PYGO1: variants seen among roughly 807,000 people sequenced by gnomAD.
PYGO1 encodes the protein pygopus family PHD finger 1.
PYGO1 carries 6 observed loss-of-function variants against 29.5 expected under a neutral mutation model. The observed-to-expected ratio is 0.20, with a 90% CI of 0.11 to 0.40. PYGO1 has a LOEUF of 0.40. PYGO1 is among the 10% of genes least tolerant of loss of function. The pLI, the probability that PYGO1 is intolerant of heterozygous loss-of-function variation, is 1.00. For synonymous variants in PYGO1, 186 were observed against 180.5 expected, an observed-to-expected ratio of 1.03 and a Z score of -0.24; for missense variants, 515 against 514.9, an observed-to-expected ratio of 1.00 and a Z score of 0.00.
rs979734925 is a variant in PYGO1 at position 55,539,873 on chromosome 15, T to C, written c.*6150A>G. 2.0e-5 allele frequency: 3 copies of C among 152,172 alleles called. No homozygotes were observed. The highest frequency in any genetic ancestry group is 2.9e-5 in the Non-Finnish European group (2 of 67,908). 9.4% of individuals were successfully genotyped at this position (152,172 alleles called of 1,614,324 possible). On this transcript the variant is annotated 3_prime_UTR_variant, in exon 3 of 3. Coordinates refer to ENST00000563719, the MANE Select transcript of PYGO1 (RefSeq NM_001367806.1). Reference sequence around the variant, plus strand: ...CATTTTGTAATATACATCACTGACATAGTAAAACCTTATTAAGGATAATTT... The same window carrying C: ...CATTTTGTAATATACATCACTGACACAGTAAAACCTTATTAAGGATAATTT...
In PYGO1 at chr15:55,546,930, T is replaced by A. The variant is rs2058854493; in HGVS notation, c.353A>T (p.Tyr118Phe). Residue 118 changes from tyrosine to phenylalanine, a missense_variant, in exon 3 of 3, where the codon TAC becomes TTC. Coordinates refer to ENST00000563719, the MANE Select transcript of PYGO1 (RefSeq NM_001367806.1). Reference protein sequence around the residue: ...PHVPPRMSSPYCGPYSLRNQP... With the variant: ...PHVPPRMSSPFCGPYSLRNQP... ...GTTCCTGAGTGAGTAAGGACCACAG[T>A]ATGGGGAAGACATTCTTGGGGGAAC... The A allele has an allele frequency of 6.2e-7, 1 of 1,613,862 alleles. No homozygotes were observed. The highest frequency in any genetic ancestry group is 1.3e-5 in the African/African-American group (1 of 74,876).
intron 1 of PYGO1, among the ~76,000 whole-genome samples, chr15:55,579,571 AGTGGC>A (rs2059017584): frequency 6.6e-6 from 1 of 152,088 alleles, no homozygotes; most frequent in South Asian, 2.1e-4. Context: ...GCTGGAGTGC[AGTGGC>A]ACCATCACAA....
rs2058843880 is a variant in PYGO1 at position 55,545,096 on chromosome 15, GAGT to G, written c.*924_*926del. 7.4e-6 allele frequency: 1 copy of G among 135,926 alleles called. No homozygotes were observed. Among genetic ancestry groups the G allele is most frequent in the Non-Finnish European group, 1.7e-5 (1 of 59,140 alleles). 8.4% of individuals were successfully genotyped at this position (135,926 alleles called of 1,614,324 possible). Reference sequence around the variant, plus strand: ...GAACAAGATTTTTCAAACCACCACTGAGTAGTTCTTTTACTAGCAGAGCCCTCT... The same window carrying G: ...GAACAAGATTTTTCAAACCACCACTGAGTTCTTTTACTAGCAGAGCCCTCT... On this transcript the variant is annotated 3_prime_UTR_variant, in exon 3 of 3. Transcript: ENST00000563719.
intron 1 of PYGO1, among the ~76,000 whole-genome samples, chr15:55,565,696 AGAGT>A (rs1000163234): frequency 6.6e-6 from 1 of 152,122 alleles, no homozygotes; most frequent in African/African-American, 2.4e-5. Flanking sequence ...GCCTGGTGAC[AGAGT>A]GAGACTCCGT....
chr15:55,541,279 A>G lies in PYGO1; in HGVS notation c.*4744T>C, dbSNP rs569488729. 6.6e-6 allele frequency: 1 copy of G among 152,272 alleles called. No homozygotes were observed. The highest frequency in any genetic ancestry group is 1.9e-4 in the East Asian group (1 of 5,178). 9.4% of individuals were successfully genotyped at this position (152,272 alleles called of 1,614,324 possible). A position where few individuals can be genotyped will look rare whatever the true frequency, so the allele number is the denominator to read the frequency against. The stretch of plus-strand genomic sequence containing the variant: ...TTCCAAATTCCCATCACTGTACCAT[A>G]AGTTGGAAGATGCAGATGTGACTTT... On this transcript the variant is annotated 3_prime_UTR_variant, in exon 3 of 3. Coordinates refer to ENST00000563719, the MANE Select transcript of PYGO1 (RefSeq NM_001367806.1).
At position 55,541,145 on chromosome 15, in the gene PYGO1, T is replaced by G. The variant is rs2058826647; in HGVS notation, c.*4878A>C. On this transcript the variant is annotated 3_prime_UTR_variant, in exon 3 of 3. Coordinates refer to ENST00000563719, the MANE Select transcript of PYGO1 (RefSeq NM_001367806.1). ...TTAAATTAAATACAGGCAGCTCTGA[T>G]GTATTAACGCCTGGCATATACATGG... is the stretch of plus-strand genomic sequence containing the variant. 1 of 152,198 alleles carries G rather than the reference T, an allele frequency of 6.6e-6. No homozygotes were observed. Among genetic ancestry groups the G allele is most frequent in the South Asian group, 2.1e-4 (1 of 4,830 alleles). The allele number at this position is 152,198 out of a possible 1,614,324, so 9.4% of individuals were successfully genotyped here.
intron 2 of PYGO1, among the ~76,000 whole-genome samples, chr15:55,548,014 G>A (rs2141645211): frequency 6.6e-6 from 1 of 152,244 alleles, no homozygotes; most frequent in African/African-American, 2.4e-5. Context: ...TTAAGAACAA[G>A]CATTTTAATT....
At chr15:55,554,510 C>T (rs2058895075) in intron 1 of PYGO1, among the ~76,000 whole-genome samples, 1 of 140,494 alleles carries the variant, frequency 7.1e-6, no homozygotes. Flanking sequence ...AAGAACTGGG[C>T]TGAGGCTGAG....
chr15:55,585,874 C>G (rs562147355), intron 1 of PYGO1, among the ~76,000 whole-genome samples: 18 of 152,268 alleles, frequency 1.2e-4, no homozygotes, highest in African/African-American at 4.3e-4. Flanking sequence ...ATAATTGTAT[C>G]TCAGGAAGGT....
intron 1 of PYGO1, among the ~76,000 whole-genome samples, chr15:55,560,982 A>G (rs1018683912): frequency 6.6e-6 from 1 of 151,998 alleles, no homozygotes; most frequent in South Asian, 2.1e-4. Flanking sequence ...AACAAACCCC[A>G]CTACTTTAAA....
intron 2 of PYGO1, among the ~76,000 whole-genome samples, chr15:55,547,620 T>C (rs1272267562): frequency 2.0e-5 from 3 of 152,196 alleles, no homozygotes; most frequent in Non-Finnish European, 4.4e-5. Flanking sequence ...AATTAAAATA[T>C]TTCCAAAACA....
chr15:55,549,522 A>AT (rs2058869513), intron 1 of PYGO1, among the ~76,000 whole-genome samples: 1 of 152,142 alleles, frequency 6.6e-6, no homozygotes, highest in Non-Finnish European at 1.5e-5. Context: ...AGTCCCCTCC[A>AT]TATTGATCAA....
intron 1 of PYGO1, among the ~76,000 whole-genome samples, chr15:55,577,691 A>G (rs948415471): frequency 6.6e-6 from 1 of 151,640 alleles, no homozygotes. Flanking sequence ...GAACATTATC[A>G]TCATCCCCAA....
chr15:55,565,107 T>C (rs1026748343), intron 1 of PYGO1, among the ~76,000 whole-genome samples: 1 of 152,170 alleles, frequency 6.6e-6, no homozygotes, highest in Non-Finnish European at 1.5e-5. Flanking sequence ...GTTCATGTAA[T>C]TAGTTCAGGT....
intron 1 of PYGO1, among the ~76,000 whole-genome samples, chr15:55,558,035 T>C (rs1408085515): frequency 6.6e-6 from 1 of 152,146 alleles, no homozygotes; most frequent in Admixed American, 6.5e-5. Context: ...GGGTATTCAA[T>C]TAGGAAAAGA....
At position 55,546,000 on chromosome 15, in the gene PYGO1, C is replaced by A. The variant is rs763836433; in HGVS notation, c.*23G>T. On this transcript the variant is annotated 3_prime_UTR_variant, in exon 3 of 3. Coordinates refer to ENST00000563719, the MANE Select transcript of PYGO1 (RefSeq NM_001367806.1). ...CTTCTGCAATGCACAGGAAAATAAA[C>A]CCACTTTAGTTAATGCCTTTGATTA... 6.4e-7 allele frequency: 1 copy of A among 1,554,764 alleles called. No homozygotes were observed. The highest frequency in any genetic ancestry group is 8.7e-7 in the Non-Finnish European group (1 of 1,148,078).
chr15:55,578,283 T>C (rs1182940071), intron 1 of PYGO1, among the ~76,000 whole-genome samples: 1 of 152,212 alleles, frequency 6.6e-6, no homozygotes, highest in Non-Finnish European at 1.5e-5. Context: ...TTGGGGCTAT[T>C]ATGAATAATA....
At chr15:55,579,480 C>A (rs2141676215) in intron 1 of PYGO1, among the ~76,000 whole-genome samples, 1 of 152,222 alleles carries the variant, frequency 6.6e-6, no homozygotes, top group Non-Finnish European at 1.5e-5. Flanking sequence ...AATCTCCAAT[C>A]TCTAATCTAG....
At chr15:55,574,967 A>C (rs897761256) in intron 1 of PYGO1, among the ~76,000 whole-genome samples, 9 of 152,228 alleles carry the variant, frequency 5.9e-5, no homozygotes, top group Non-Finnish European at 8.8e-5. Context: ...ACATTAATTC[A>C]GTGAATGTTT....
Sources: allele counts gnomAD v4.1 joint callset (sites outside exome capture counted in the v4.1 genomes callset), GRCh38; gene constraint gnomAD v4.1.1; transcripts MANE v1.5; gene names NCBI Gene and HGNC (gene_info 2026-07-23, HGNC 2026-07-21).